MAU2: variants seen among roughly 807,000 people sequenced by gnomAD.
The protein encoded by MAU2 is MAU2 sister chromatid cohesion factor, also known as MAU2 chromatid cohesion factor homolog.
MAU2 carries 9 observed loss-of-function variants against 89.1 expected under a neutral mutation model. The observed-to-expected ratio is 0.10, with a 90% CI of 0.06 to 0.18. MAU2 has a LOEUF of 0.18. Ranked by LOEUF, MAU2 falls within the 10% of genes least tolerant of loss-of-function variation. The pLI, the probability that MAU2 is intolerant of heterozygous loss-of-function variation, is 1.00. For synonymous variants in MAU2, 357 were observed against 343.4 expected (o/e 1.04, Z -0.44); for missense variants, 425 against 803.5 (o/e 0.53, Z 5.69).
At position 19,320,862 on chromosome 19, in the gene MAU2, G is replaced by GGCGGCTCAGGCGGCGGCA. The variant is rs765690545; in HGVS notation, c.9_26dup (p.Ala9_Ala14dup). The GGCGGCTCAGGCGGCGGCA allele has an allele frequency of 1.7e-5, 25 of 1,514,506 alleles. No individual in the cohort carries two copies. Among genetic ancestry groups the GGCGGCTCAGGCGGCGGCA allele is most frequent in the East Asian group, 2.5e-5 (1 of 39,886 alleles). 93.8% of individuals were successfully genotyped at this position (1,514,506 alleles called of 1,614,324 possible). On this transcript the variant is annotated inframe_insertion, in exon 1 of 19. Coordinates refer to ENST00000262815, the MANE Select transcript of MAU2 (RefSeq NM_015329.4). ...GGCTTGTTGTTGTGGAGGCCAAAAT[G>GGCGGCTCAGGCGGCGGCA]GCGGCTCAGGCGGCGGCAGCGGCCC...
At position 19,343,819 on chromosome 19, in the gene MAU2, C is replaced by A. The variant is rs368995108; in HGVS notation, c.974-18C>A. On this transcript the variant is annotated intron_variant, in intron 9 of 18. Coordinates refer to ENST00000262815, the MANE Select transcript of MAU2 (RefSeq NM_015329.4). ...CTCTGGCCTCCCCTGCATGCTTACC[C>A]CTGACTCTCACCCATAGTGCTGGAC... The A allele has an allele frequency of 4.4e-6, 7 of 1,600,360 alleles. No homozygotes were observed. In the South Asian group the frequency reaches 7.7e-5, roughly 18 times the overall value.
chr19:19,328,853 A>G (rs1480858300), intron 1 of MAU2, among the ~76,000 whole-genome samples: 2 of 151,734 alleles, frequency 1.3e-5, no homozygotes, highest in African/African-American at 2.4e-5. Flanking sequence ...AGAACTTACT[A>G]TTTTCTATAA....
At chr19:19,326,706 A>ATATATATATATACACGTATATATATGTG (rs2061508962) in intron 1 of MAU2, among the ~76,000 whole-genome samples, 1 of 86,986 alleles carries the variant, frequency 1.1e-5, no homozygotes, top group Non-Finnish European at 2.6e-5. Context: ...ATATATGTAT[A>ATATATATATATACACGTATATATATGTG]TATATATATA....
rs575992521 is a variant in MAU2 at position 19,322,975 on chromosome 19, C to T, written c.276+1840C>T. 3.3e-5 allele frequency among the ~76,000 whole-genome samples: 5 copies of T among 152,266 alleles called. No individual in the cohort carries two copies. The East Asian group carries it at 9.7e-4, about 29-fold the overall frequency. On this transcript the variant is annotated intron_variant, in intron 1 of 18. Transcript: ENST00000262815. ...GCAGGATCTCAGCCCACTGCAACCT[C>T]CGTCTCCCGGGTTCAAGTGATTCTC...
rs1387694063 is a variant in MAU2, at chr19:19,325,516, A to G, written c.276+4381A>G. ...TTTTTTGAGAAGGAGTTTCACTCCT[A>G]TTACCCAGGCTGGAGTGCAGTGGTG... On this transcript the variant is annotated intron_variant, in intron 1 of 18. Coordinates refer to ENST00000262815, the MANE Select transcript of MAU2 (RefSeq NM_015329.4). Among the ~76,000 whole-genome samples the G allele has an allele frequency of 2.0e-5, 3 of 150,568 alleles. 1 individual carries two copies. Among genetic ancestry groups the G allele is most frequent in the South Asian group, 4.2e-4 (2 of 4,728 alleles).
chr19:19,356,457 G>A lies in MAU2; in HGVS notation c.*675G>A, dbSNP rs995401488. 3 of 236,988 alleles carry A rather than the reference G, an allele frequency of 1.3e-5. No homozygotes were observed. The highest frequency in any genetic ancestry group is 2.2e-4 in the East Asian group (2 of 9,256). 14.7% of individuals were successfully genotyped at this position (236,988 alleles called of 1,614,324 possible). ...TGGGGGTGCAGGTGATTGTAAACAC[G>A]GGTGTGCATGTGGATGCACACGGGT... On this transcript the variant is annotated 3_prime_UTR_variant, in exon 19 of 19. Transcript: ENST00000262815.
rs753550264 is a variant in MAU2, at chr19:19,320,878, G to T, written c.19G>T (p.Ala7Ser). MAAQAA[A>S]AAQAAAAQAA... Reference sequence around the variant, plus strand: ...GGCCAAAATGGCGGCTCAGGCGGCGGCAGCGGCCCAGGCGGCGGCGGCCCA... The same window carrying T: ...GGCCAAAATGGCGGCTCAGGCGGCGTCAGCGGCCCAGGCGGCGGCGGCCCA... The change falls in exon 1 of 19, where the codon GCA becomes TCA. Residue 7 changes from alanine to serine, a missense_variant. Ala to Ser is a moderately conservative substitution (Grantham distance 99, BLOSUM62 1). Coordinates refer to ENST00000262815, the MANE Select transcript of MAU2 (RefSeq NM_015329.4). The T allele has an allele frequency of 6.6e-7, 1 of 1,512,316 alleles. No individual in the cohort carries two copies. The highest frequency in any genetic ancestry group is 1.3e-5 in the South Asian group (1 of 79,460). The allele number at this position is 1,512,316 out of a possible 1,614,324, so 93.7% of individuals were successfully genotyped here.
chr19:19,347,040 G>A (rs2061698722), intron 12 of MAU2: 1 of 515,144 alleles, frequency 1.9e-6, no homozygotes, highest in East Asian at 3.4e-5. Flanking sequence ...GTAGGATTGG[G>A]GTGGCTGGTT....
chr19:19,337,294 G>T (rs376081061), intron 4 of MAU2, 29 bp downstream of exon 4: 38 of 1,572,078 alleles, frequency 2.4e-5, no homozygotes, highest in Non-Finnish European at 3.1e-5. Context: ...GAACGAGGGT[G>T]CCCGGCAGGG....
intron 1 of MAU2, among the ~76,000 whole-genome samples, chr19:19,328,778 T>G (rs749037612): frequency 1.3e-5 from 2 of 152,196 alleles, no homozygotes; most frequent in African/African-American, 2.4e-5. Context: ...GCCTGGGAAG[T>G]GCACCATCAT....
At chr19:19,325,727 C>T (rs2061498505) in intron 1 of MAU2, among the ~76,000 whole-genome samples, 1 of 152,190 alleles carries the variant, frequency 6.6e-6, no homozygotes, top group Non-Finnish European at 1.5e-5. Flanking sequence ...GATCTGCCCG[C>T]CTCAGCCTCC....
chr19:19,327,615 G>A (rs971351439), intron 1 of MAU2, among the ~76,000 whole-genome samples: 1 of 152,100 alleles, frequency 6.6e-6, no homozygotes, highest in Admixed American at 6.6e-5. Flanking sequence ...GTGAGCCACT[G>A]CGCCCGGCCT....
intron 18 of MAU2, 123 bp downstream of exon 18, chr19:19,355,514 C>A: frequency 7.0e-7 from 1 of 1,430,962 alleles, no homozygotes; most frequent in Non-Finnish European, 9.5e-7. Context: ...TCAGGTGATC[C>A]CTTGATGGGG....
chr19:19,349,468 G>T, intron 16 of MAU2, 32 bp downstream of exon 16: 1 of 1,590,804 alleles, frequency 6.3e-7, no homozygotes. Context: ...CCTCGCTTGG[G>T]TGCCTGTGGG....
At chr19:19,342,752 C>T (rs751653586) in intron 8 of MAU2, 24 bp from the exon 9 acceptor site, 1 of 1,613,918 alleles carries the variant, frequency 6.2e-7, no homozygotes, top group South Asian at 1.1e-5. Context: ...CCTGGTAACC[C>T]CTGCTGTCTG....
chr19:19,338,438 G>A (rs1183039573), intron 4 of MAU2, among the ~76,000 whole-genome samples: 1 of 152,214 alleles, frequency 6.6e-6, no homozygotes, highest in Non-Finnish European at 1.5e-5. Context: ...TTCAGACTTT[G>A]ACACTTGCCT....
intron 10 of MAU2, chr19:19,344,471 T>C: frequency 3.3e-6 from 1 of 303,822 alleles, no homozygotes; most frequent in South Asian, 5.1e-5. Context: ...ACCAAGGGGA[T>C]AGCGCACATG....
In MAU2 at chr19:19,325,999, A is replaced by ATTTT. The variant is rs34191015; in HGVS notation, c.276+4880_276+4883dup. On this transcript the variant is annotated intron_variant, in intron 1 of 18. Transcript: ENST00000262815. ...AGTTTCTAATGGTCTCCTCAACTGC[A>ATTTT]TTTTTTTTTTTTTTTTTTTGAGACA... Among the ~76,000 whole-genome samples the ATTTT allele has an allele frequency of 1.3e-3, 149 of 117,198 alleles. 5 individuals are homozygous for ATTTT. Among genetic ancestry groups the ATTTT allele is most frequent in the East Asian group, 3.2e-3 (13 of 4,058 alleles). 76.9% of individuals were successfully genotyped at this position (117,198 alleles called of 152,430 possible). A position where few individuals can be genotyped will look rare whatever the true frequency, so the allele number is the denominator to read the frequency against.
chr19:19,337,108 G>A (rs1599904068), intron 3 of MAU2, 62 bp from the exon 4 acceptor site: 1 of 1,310,472 alleles, frequency 7.6e-7, no homozygotes, highest in East Asian at 2.4e-5. Flanking sequence ...AAGGAATCCA[G>A]CTTGATTGCC....
Sources: allele counts gnomAD v4.1 joint callset (sites outside exome capture counted in the v4.1 genomes callset), GRCh38; gene constraint gnomAD v4.1.1; transcripts MANE v1.5; gene names NCBI Gene and HGNC (gene_info 2026-07-23, HGNC 2026-07-21).